Variants in LIN9 observed in about 807,000 individuals in gnomAD.
LIN9 encodes the protein lin-9 DREAM MuvB core complex component, also known as protein lin-9 homolog.
LIN9 carries 18 observed loss-of-function variants against 78.0 expected under a neutral mutation model. That is an observed-to-expected ratio of 0.23 (90% CI 0.16 to 0.34). The LOEUF (loss-of-function observed/expected upper bound fraction) is 0.34, where lower values mean the gene tolerates loss of function less well. Among genes scored for constraint, LIN9 ranks in the 10% least tolerant of loss-of-function variants. LIN9 has a pLI of 1.00. For missense variants in LIN9, 451 were observed against 644.1 expected (o/e 0.70, Z 3.25); for synonymous variants, 192 against 215.2 (o/e 0.89, Z 0.94).
At chr1:226,288,417 C>T (rs1178896826) in intron 4 of LIN9, among the ~76,000 whole-genome samples, 3 of 152,146 alleles carry the variant, frequency 2.0e-5, no homozygotes, top group Non-Finnish European at 2.9e-5. Context: ...ACTACCACCA[C>T]TATTTCATAA....
At chr1:226,287,940 T>C (rs930865003) in intron 4 of LIN9, 143 bp from the exon 5 acceptor site, 2 of 611,022 alleles carry the variant, frequency 3.3e-6, no homozygotes, top group Non-Finnish European at 5.6e-6. Context: ...ACATGGAATT[T>C]TGTTGCTGTT....
At chr1:226,237,245 AT>A (rs1032050465) in intron 12 of LIN9, among the ~76,000 whole-genome samples, 1 of 152,198 alleles carries the variant, frequency 6.6e-6, no homozygotes, top group African/African-American at 2.4e-5. Context: ...CTTGTGAATA[AT>A]TGCTAGTCCA....
At chr1:226,273,392 GA>G (rs1558183671) in intron 7 of LIN9, among the ~76,000 whole-genome samples, 1 of 151,272 alleles carries the variant, frequency 6.6e-6, no homozygotes, top group Admixed American at 6.6e-5. Flanking sequence ...GGAACTACAG[GA>G]GCACAACACA....
intron 1 of LIN9, among the ~76,000 whole-genome samples, chr1:226,303,174 T>C (rs2102680622): frequency 6.6e-6 from 1 of 152,266 alleles, no homozygotes; most frequent in South Asian, 2.1e-4. Context: ...CCAAAAGATA[T>C]GCAGTGCATT....
chr1:226,265,588 G>T lies in LIN9; in HGVS notation c.983C>A (p.Ser328Tyr). The T allele has an allele frequency of 1.2e-6, 2 of 1,612,270 alleles. No individual in the cohort carries two copies. Among genetic ancestry groups the T allele is most frequent in the Non-Finnish European group, 1.7e-6 (2 of 1,178,484 alleles). Residue 328 changes from serine (S) to tyrosine (Y), a missense_variant, in exon 10 of 15, where the codon TCT (serine) becomes TAT (tyrosine). Transcript: ENST00000681046. This position sits in a 1 kb window ranked among gnomAD's most constrained non-coding sequence, Gnocchi z 4.1. ...ACCTAATGTTTCAGTGTCAGAGCCA[G>T]AAATTTTACTTCTCCACGGCGACTG... ...LGQSPWRSKI[S>Y]GSDTETLGGF... is the part of the protein sequence containing the mutation.
intron 1 of LIN9, among the ~76,000 whole-genome samples, chr1:226,302,425 C>T (rs1451737165): frequency 6.6e-6 from 1 of 152,020 alleles, no homozygotes; most frequent in Non-Finnish European, 1.5e-5. Context: ...CACCTGTAGT[C>T]CCAGCTACTC....
intron 11 of LIN9, among the ~76,000 whole-genome samples, chr1:226,249,252 C>T (rs563634222): frequency 1.3e-5 from 2 of 152,198 alleles, no homozygotes; most frequent in African/African-American, 4.8e-5. Context: ...TGATGGAAAC[C>T]AAGAATTAGA....
At chr1:226,259,791 C>T (rs1432015797) in intron 10 of LIN9, among the ~76,000 whole-genome samples, 3 of 151,528 alleles carry the variant, frequency 2.0e-5, no homozygotes, top group African/African-American at 4.8e-5. Flanking sequence ...TAGTGGGAAA[C>T]TTGTAGTATC....
Position 226,277,888 on chromosome 1 carries a change from T to C in LIN9, c.569A>G (p.Gln190Arg). 1.2e-6 allele frequency: 2 copies of C among 1,613,778 alleles called. No individual in the cohort carries two copies. The highest frequency in any genetic ancestry group is 1.7e-6 in the Non-Finnish European group (2 of 1,179,822). ...FFEEERSALKQKRQKIRLLQQ... is the reference protein window; with the variant it reads ...FFEEERSALKRKRQKIRLLQQ... ...TAAGAGCCTTATTTTCTGCCGTTTC[T>C]GTTTTAATGCTGATCTCTCTTCCTC... The change falls in exon 7 of 15, where the codon CAG (glutamine) becomes CGG (arginine). Residue 190 changes from glutamine (Q) to arginine (R), a missense_variant. Gln to Arg is a conservative substitution (Grantham distance 43, BLOSUM62 1). Transcript: ENST00000681046.
At chr1:226,295,582 T>C (rs1468446367) in intron 4 of LIN9, among the ~76,000 whole-genome samples, 6 of 152,118 alleles carry the variant, frequency 3.9e-5, no homozygotes, top group Non-Finnish European at 8.8e-5. Context: ...AACCTACAAA[T>C]TGATGCCATG....
Position 226,287,699 on chromosome 1 carries a change from C to G in LIN9, c.363G>C (p.Trp121Cys). The change falls in exon 5 of 15, where the codon TGG (tryptophan) becomes TGC (cysteine). Residue 121 changes from tryptophan (W) to cysteine (C), a missense_variant. Physicochemically the swap from Trp to Cys is radical, Grantham distance 215. Transcript: ENST00000681046. ...NLLKLPKAHKWCIYEWFYSNI... is the reference protein window; with the variant it reads ...NLLKLPKAHKCCIYEWFYSNI... ...TTGAATAGAACCACTCGTATATACA[C>G]CATTTATGTGCTTTAGGAAGCTTGA... is the stretch of plus-strand genomic sequence containing the variant. The G allele has an allele frequency of 6.4e-7, 1 of 1,553,200 alleles. No individual in the cohort carries two copies. Among genetic ancestry groups the G allele is most frequent in the Non-Finnish European group, 8.6e-7 (1 of 1,158,250 alleles).
chr1:226,304,508 A>G (rs919904622), intron 1 of LIN9, among the ~76,000 whole-genome samples: 2 of 152,238 alleles, frequency 1.3e-5, no homozygotes, highest in Non-Finnish European at 2.9e-5. Flanking sequence ...CACGTACATA[A>G]TAATTATAGC....
intron 6 of LIN9, among the ~76,000 whole-genome samples, chr1:226,282,834 C>T (rs925577484): frequency 6.6e-6 from 1 of 151,870 alleles, no homozygotes; most frequent in Non-Finnish European, 1.5e-5. Flanking sequence ...AAACAAAAAA[C>T]AAAAAACAAA....
chr1:226,237,778 C>T (rs1035942157), intron 12 of LIN9, among the ~76,000 whole-genome samples: 3 of 151,552 alleles, frequency 2.0e-5, no homozygotes, highest in Non-Finnish European at 4.4e-5. Flanking sequence ...TGGTGAAACC[C>T]CATCTCTACT....
chr1:226,277,441 T>C (rs963516829), intron 7 of LIN9, among the ~76,000 whole-genome samples: 1 of 152,188 alleles, frequency 6.6e-6, no homozygotes, highest in African/African-American at 2.4e-5. Context: ...CTTTCTAAAT[T>C]TAAAAGCCAT....
At chr1:226,283,278 ATTTTTTTTTTT>A (rs71574569) in intron 6 of LIN9, among the ~76,000 whole-genome samples, 38 of 84,214 alleles carry the variant, frequency 4.5e-4, no homozygotes, top group African/African-American at 1.6e-3. Flanking sequence ...TAATTTTTGA[ATTTTTTTTTTT>A]TTTTTTTTTT....
At chr1:226,252,321 TG>T (rs1490699586) in intron 10 of LIN9, among the ~76,000 whole-genome samples, 26 of 136,680 alleles carry the variant, frequency 1.9e-4, no homozygotes, top group East Asian at 6.5e-4. Flanking sequence ...AATAAATAAA[TG>T]AATGAATGAA....
chr1:226,269,823 T>C (rs959085565), intron 7 of LIN9, among the ~76,000 whole-genome samples: 28 of 152,144 alleles, frequency 1.8e-4, no homozygotes, highest in African/African-American at 6.8e-4. Flanking sequence ...AGCAGCAACT[T>C]TGTATTTACA....
At chr1:226,272,051 C>CTTT (rs1215375984) in intron 7 of LIN9, among the ~76,000 whole-genome samples, 4 of 128,146 alleles carry the variant, frequency 3.1e-5, no homozygotes, top group Non-Finnish European at 4.9e-5. Context: ...ATTATCTTAA[C>CTTT]TTTTTTTTTT....
Sources: gnomAD v4.1 joint callset for allele counts (sites outside exome capture counted in the v4.1 genomes callset) on GRCh38, gnomAD v4.1.1 for gene constraint, Gnocchi (gnomAD v3.1) non-coding constraint, MANE v1.5 for transcripts, NCBI Gene and HGNC (gene_info 2026-07-23, HGNC 2026-07-21) for gene names.